SERPINI2: variants seen among roughly 807,000 people sequenced by gnomAD.
SERPINI2 encodes the protein serpin family I member 2, also known as serpin I2.
SERPINI2 carries 48 observed loss-of-function variants against 47.3 expected under a neutral mutation model. The ratio of observed to expected loss-of-function variants is 1.02; its 90% confidence interval spans 0.81 to 1.29. The LOEUF (loss-of-function observed/expected upper bound fraction) is 1.29. Among genes scored for constraint, SERPINI2 ranks in the 50% most tolerant of loss-of-function variants. The probability of loss-of-function intolerance (pLI) is 0.00; values close to 1 mark genes in which losing one functional copy is unlikely to be tolerated. For missense variants in SERPINI2, 448 were observed against 456.9 expected (o/e 0.98, Z 0.18); for synonymous variants, 135 against 149.3 (o/e 0.90, Z 0.70).
In SERPINI2 at chr3:167,465,465, G is replaced by T. The variant is rs1423355095; in HGVS notation, c.673+14C>A. The T allele has an allele frequency of 6.2e-7, 1 of 1,611,094 alleles. No homozygotes were observed. Among genetic ancestry groups the T allele is most frequent in the South Asian group, 1.1e-5 (1 of 90,580 alleles). On this transcript the variant is annotated intron_variant, in intron 4 of 8. Transcript: ENST00000264677. ...CTCAAGACTATGCTTAGGAACTGTG[G>T]TTTCTCACATTACCATATTTTGTTC... is the stretch of plus-strand genomic sequence containing the variant.
chr3:167,470,550 C>CT (rs536884425), intron 2 of SERPINI2, among the ~76,000 whole-genome samples: 1,054 of 92,994 alleles, frequency 0.011, 39 homozygotes, highest in Non-Finnish European at 0.014. Context: ...TGAGCAACAA[C>CT]TTTTTTTTTT....
intron 6 of SERPINI2, among the ~76,000 whole-genome samples, chr3:167,452,689 T>C (rs1377217590): frequency 1.3e-5 from 2 of 152,340 alleles, no homozygotes; most frequent in African/African-American, 4.8e-5. Flanking sequence ...CTTTTACTTA[T>C]GTAGTTTTAT....
chr3:167,476,843 C>T (rs62279827), upstream of SERPINI2, among the ~76,000 whole-genome samples: 3,793 of 152,046 alleles, frequency 0.025, 60 homozygotes, highest in African/African-American at 0.037. Flanking sequence ...GAGGGATGGA[C>T]GGATCAGTGG....
intron 2 of SERPINI2, among the ~76,000 whole-genome samples, chr3:167,470,550 C>CTTGTTTT (rs1750277158): frequency 1.1e-5 from 1 of 93,050 alleles, no homozygotes; most frequent in African/African-American, 5.7e-5. Context: ...TGAGCAACAA[C>CTTGTTTT]TTTTTTTTTT....
At chr3:167,458,376 G>C (rs1301084881) in intron 5 of SERPINI2, among the ~76,000 whole-genome samples, 1 of 147,156 alleles carries the variant, frequency 6.8e-6, no homozygotes, top group African/African-American at 2.5e-5. Flanking sequence ...TCAGCCTCCC[G>C]AGTAGCTGGG....
chr3:167,465,482 A>G, exon 4 of SERPINI2: 1 of 1,612,968 alleles, frequency 6.2e-7, no homozygotes, highest in South Asian at 1.1e-5. Context: ...ACATTACCAT[A>G]TTTTGTTCTC....
At chr3:167,464,283 T>G (rs13066818) in intron 5 of SERPINI2, among the ~76,000 whole-genome samples, 14,165 of 151,806 alleles carry the variant, frequency 0.093, 683 homozygotes, top group Non-Finnish European at 0.11. Flanking sequence ...CAAAGTGCTG[T>G]GATTACAGTC....
chr3:167,461,258 A>G (rs1343351748), intron 5 of SERPINI2, among the ~76,000 whole-genome samples: 1 of 152,148 alleles, frequency 6.6e-6, no homozygotes, highest in African/African-American at 2.4e-5. Context: ...AAATAAAATA[A>G]AGCCGTCATT....
chr3:167,451,749 T>A (rs1354810265), intron 6 of SERPINI2, among the ~76,000 whole-genome samples: 1 of 152,198 alleles, frequency 6.6e-6, no homozygotes, highest in African/African-American at 2.4e-5. Flanking sequence ...AGTGGCTGTT[T>A]GAAGTGTCTG....
At chr3:167,451,693 C>G (rs1459753311) in intron 6 of SERPINI2, among the ~76,000 whole-genome samples, 1 of 152,128 alleles carries the variant, frequency 6.6e-6, no homozygotes, top group African/African-American at 2.4e-5. Context: ...CTGCCTGTAA[C>G]AGGAGATTTT....
In SERPINI2 at chr3:167,444,671, G is replaced by A. The variant is rs757244730; in HGVS notation, c.1141+1721C>T. ...ACAACGGACAGTCCCTGATAAATGAGCGGCCATTTATTTTAAACAATACTT... is the reference window on the plus strand; with the variant it reads ...ACAACGGACAGTCCCTGATAAATGAACGGCCATTTATTTTAAACAATACTT... On this transcript the variant is annotated intron_variant, in intron 8 of 8. Transcript: ENST00000264677. 5.1e-4 allele frequency among the ~76,000 whole-genome samples: 77 copies of A among 152,230 alleles called. No individual in the cohort carries two copies. In the Middle Eastern group the frequency reaches 0.017, roughly 34 times the overall value.
chr3:167,454,307 T>A (rs1173030384), intron 5 of SERPINI2, among the ~76,000 whole-genome samples: 1 of 152,208 alleles, frequency 6.6e-6, no homozygotes, highest in African/African-American at 2.4e-5. Context: ...GGTAAAACAA[T>A]ATGTTTTTTT....
intron 8 of SERPINI2, among the ~76,000 whole-genome samples, chr3:167,442,939 T>C (rs2108147212): frequency 6.6e-6 from 1 of 152,342 alleles, no homozygotes; most frequent in South Asian, 2.1e-4. Context: ...GGCGACAAAT[T>C]TTGCATAATT....
chr3:167,465,561 G>C lies in SERPINI2; in HGVS notation c.591C>G (p.Asp197Glu), dbSNP rs145176204. Residue 197 changes from aspartate (D) to glutamate (E), a missense_variant, in exon 4 of 9, where the codon GAC becomes GAG. Transcript: ENST00000264677. Reference sequence around the variant, plus strand: ...TCTTAGTAAAATTTATCAGCTGTGTGTCCTCTTTTCTGAATTTCTGTTTCC... The same window carrying C: ...TCTTAGTAAAATTTATCAGCTGTGTCTCCTCTTTTCTGAATTTCTGTTTCC... The C allele has an allele frequency of 2.5e-6, 4 of 1,613,684 alleles. No individual in the cohort carries two copies. The African/African-American group carries it at 5.3e-5, about 22-fold the overall frequency.
intron 5 of SERPINI2, among the ~76,000 whole-genome samples, chr3:167,453,664 GGT>G (rs1491087836): frequency 8.2e-4 from 111 of 135,870 alleles, no homozygotes; most frequent in African/African-American, 3.8e-3. Flanking sequence ...AGTGGGGGGG[GGT>G]GGGCAAAAAA....
intron 6 of SERPINI2, among the ~76,000 whole-genome samples, chr3:167,451,495 G>T (rs957717970): frequency 3.3e-5 from 5 of 152,268 alleles, no homozygotes; most frequent in Non-Finnish European, 7.4e-5. Context: ...ACCAGCAGGG[G>T]TATCAGCATT....
At chr3:167,464,009 C>CT (rs555948215) in intron 5 of SERPINI2, among the ~76,000 whole-genome samples, 13,955 of 93,206 alleles carry the variant, frequency 0.15, 1,864 homozygotes, top group East Asian at 0.33. Flanking sequence ...ACAGGAGTGG[C>CT]TTTTTTTTTT....
At chr3:167,462,639 G>T (rs1385358083) in intron 5 of SERPINI2, among the ~76,000 whole-genome samples, 1 of 152,048 alleles carries the variant, frequency 6.6e-6, no homozygotes. Context: ...GAATTTGGGT[G>T]GGGGGATGCA....
intron 5 of SERPINI2, among the ~76,000 whole-genome samples, chr3:167,457,167 G>A (rs1749817244): frequency 6.6e-6 from 1 of 152,128 alleles, no homozygotes; most frequent in South Asian, 2.1e-4. Flanking sequence ...CTTTTGAATA[G>A]AACTGTAGTG....
Sources: allele counts gnomAD v4.1 joint callset (sites outside exome capture counted in the v4.1 genomes callset), GRCh38; gene constraint gnomAD v4.1.1; transcripts MANE v1.5; gene names NCBI Gene and HGNC (gene_info 2026-07-23, HGNC 2026-07-21).